Variants in RGS6 observed in about 807,000 individuals in gnomAD.
RGS6 encodes regulator of G protein signaling 6.
In RGS6, 30 loss-of-function variants were observed where a neutral mutation model predicts 78.5. The observed-to-expected ratio is 0.38, with a 90% CI of 0.29 to 0.52. The LOEUF (loss-of-function observed/expected upper bound fraction) is 0.52, where lower values mean the gene tolerates loss of function less well. Among genes scored for constraint, RGS6 ranks in the 20% least tolerant of loss-of-function variants. RGS6 has a pLI of 0.85. For synonymous variants in RGS6, 206 were observed against 206.0 expected, an observed-to-expected ratio of 1.00 and a Z score of 0.00; for missense variants, 495 against 609.7, an observed-to-expected ratio of 0.81 and a Z score of 1.98.
At chr14:71,902,929 G>A in the RGS6 span, among the ~76,000 whole-genome samples, 1 of 152,210 alleles carries the variant, frequency 6.6e-6, no homozygotes, top group African/African-American at 2.4e-5. Flanking sequence ...TGATGTGTCC[G>A]GTTTCTAAAC....
In RGS6 at chr14:72,430,773, G is replaced by A. The variant is rs372128142; in HGVS notation, c.185-23755G>A. ...GCAGGCACTTTCTTTGTGATCTTCA[G>A]GATCATTTGTTTTATCTTGCCTCCC... On this transcript the variant is annotated intron_variant, in intron 3 of 17. Transcript: ENST00000553525. Among the ~76,000 whole-genome samples, 49 of 152,206 alleles carry A rather than the reference G, an allele frequency of 3.2e-4. 4 individuals are homozygous for A. In the South Asian group the frequency reaches 0.01, roughly 32 times the overall value.
intron 3 of RGS6, among the ~76,000 whole-genome samples, chr14:72,438,396 T>G (rs1394748600): frequency 6.6e-6 from 1 of 152,012 alleles, no homozygotes; most frequent in Non-Finnish European, 1.5e-5. Flanking sequence ...GCCAGCTCTC[T>G]CCCCACAAAT....
intron 2 of RGS6, among the ~76,000 whole-genome samples, chr14:72,243,475 C>A (rs1220117284): frequency 6.6e-6 from 1 of 152,182 alleles, no homozygotes. Flanking sequence ...AAAACAAAGG[C>A]TCATTATACA....
intron 17 of RGS6, among the ~76,000 whole-genome samples, chr14:72,557,296 G>A (rs1446794885): frequency 6.6e-6 from 1 of 152,204 alleles, no homozygotes; most frequent in Non-Finnish European, 1.5e-5. Flanking sequence ...GCGTTTCTCC[G>A]ACATCTCAGA....
the RGS6 span, among the ~76,000 whole-genome samples, chr14:71,872,838 G>A: frequency 6.6e-6 from 1 of 152,196 alleles, no homozygotes; most frequent in Admixed American, 6.5e-5. Flanking sequence ...TCCCCATCCT[G>A]TGTCCAAGTG....
chr14:71,935,490 T>G (rs2088950563), intron 1 of RGS6, among the ~76,000 whole-genome samples: 1 of 152,216 alleles, frequency 6.6e-6, no homozygotes. Flanking sequence ...TACTGCTTGT[T>G]TACAGAATGA....
At chr14:72,223,776 A>C (rs1055210604) in intron 2 of RGS6, among the ~76,000 whole-genome samples, 1 of 152,234 alleles carries the variant, frequency 6.6e-6, no homozygotes, top group South Asian at 2.1e-4. Context: ...CCATTCGGTC[A>C]TTGTTACTCT....
At chr14:71,967,744 C>T (rs568815803) in intron 2 of RGS6, among the ~76,000 whole-genome samples, 2 of 152,110 alleles carry the variant, frequency 1.3e-5, no homozygotes, top group Admixed American at 1.3e-4. Context: ...ATTTAAAAAG[C>T]CAAATCTAGA....
rs2087965411 is a variant in RGS6 at position 71,932,433 on chromosome 14, G to C, written c.-529G>C. The stretch of plus-strand genomic sequence containing the variant: ...CAGCTCGCGGGCCGCGGAGCTGAAC[G>C]GCTTCGCGAGTTGGGGCAGCTCCTC... On this transcript the variant is annotated 5_prime_UTR_variant, in exon 1 of 18. Coordinates refer to ENST00000553525, the MANE Select transcript of RGS6 (RefSeq NM_001204424.2). The C allele has an allele frequency of 6.6e-6, 1 of 151,536 alleles. No homozygotes were observed. The highest frequency in any genetic ancestry group is 1.5e-5 in the Non-Finnish European group (1 of 67,818). 9.4% of individuals were successfully genotyped at this position (151,536 alleles called of 1,614,324 possible).
At chr14:72,540,195 G>T in intron 17 of RGS6, 101 bp downstream of exon 17, 3 of 1,507,878 alleles carry the variant, frequency 2.0e-6, no homozygotes, top group Non-Finnish European at 2.7e-6. Context: ...GTTTCCTTTG[G>T]GGTGGGAGGG....
intron 2 of RGS6, among the ~76,000 whole-genome samples, chr14:72,294,368 G>T (rs928164760): frequency 5.3e-5 from 8 of 152,152 alleles, no homozygotes; most frequent in African/African-American, 1.9e-4. Context: ...GATGTAGACT[G>T]GGAAAGTGCC....
chr14:72,065,688 A>G (rs1415602675), intron 2 of RGS6, among the ~76,000 whole-genome samples: 4 of 152,300 alleles, frequency 2.6e-5, no homozygotes, highest in East Asian at 3.9e-4. Context: ...CTTAACCCAG[A>G]GGGTTTTCAG....
intron 3 of RGS6, among the ~76,000 whole-genome samples, chr14:72,363,643 C>A (rs777614394): frequency 6.6e-6 from 1 of 152,170 alleles, no homozygotes; most frequent in South Asian, 2.1e-4. Flanking sequence ...AAAATGGATA[C>A]ACCTTAATAT....
chr14:72,411,249 G>A (rs2093391339), intron 3 of RGS6, among the ~76,000 whole-genome samples: 1 of 152,180 alleles, frequency 6.6e-6, no homozygotes, highest in African/African-American at 2.4e-5. Flanking sequence ...ATTTCATTGA[G>A]TAGTGGTTTG....
At chr14:72,177,248 C>T (rs79024489) in intron 2 of RGS6, among the ~76,000 whole-genome samples, 1,591 of 152,092 alleles carry the variant, frequency 0.01, 26 homozygotes, top group African/African-American at 0.035. Flanking sequence ...GGATAAGATT[C>T]GAATTATAGG....
intron 3 of RGS6, among the ~76,000 whole-genome samples, chr14:72,423,873 G>A (rs1009056749): frequency 3.3e-5 from 5 of 152,108 alleles, no homozygotes; most frequent in Middle Eastern, 3.2e-3. Flanking sequence ...CATACAAATC[G>A]TTAAGTCAGG....
chr14:72,153,243 A>G (rs1463782176), intron 2 of RGS6, among the ~76,000 whole-genome samples: 2 of 152,260 alleles, frequency 1.3e-5, no homozygotes, highest in Middle Eastern at 3.4e-3. Context: ...CCCTTTGGAA[A>G]CCTGGTATTG....
In RGS6 at chr14:72,500,894, G is replaced by A. The variant is rs1179228622; in HGVS notation, c.965+5632G>A. 3.3e-5 allele frequency among the ~76,000 whole-genome samples: 5 copies of A among 152,152 alleles called. No individual in the cohort carries two copies. The East Asian group carries it at 7.7e-4, about 23-fold the overall frequency. On this transcript the variant is annotated intron_variant, in intron 13 of 17. Transcript: ENST00000553525. Reference sequence around the variant, plus strand: ...GTGACCAGGGACTTTTCAAAAGCAGGAATGTCTAGTATGTGCTTTTTTAAA... The same window carrying A: ...GTGACCAGGGACTTTTCAAAAGCAGAAATGTCTAGTATGTGCTTTTTTAAA...
chr14:72,400,884 G>T lies in RGS6; in HGVS notation c.184+48690G>T, dbSNP rs1459687686. 2.0e-5 allele frequency among the ~76,000 whole-genome samples: 3 copies of T among 152,080 alleles called. No individual in the cohort carries two copies. In the East Asian group the frequency reaches 5.8e-4, roughly 29 times the overall value. Reference sequence around the variant, plus strand: ...GTCTTTTCCAGATTCACAGGGAAAGGTTCCCAAGCAGGAGGAGTGAGGAGG... The same window carrying T: ...GTCTTTTCCAGATTCACAGGGAAAGTTTCCCAAGCAGGAGGAGTGAGGAGG... On this transcript the variant is annotated intron_variant, in intron 3 of 17. Transcript: ENST00000553525.
Sources: allele counts gnomAD v4.1 joint callset (sites outside exome capture counted in the v4.1 genomes callset), GRCh38; gene constraint gnomAD v4.1.1; transcripts MANE v1.5; gene names NCBI Gene and HGNC (gene_info 2026-07-23, HGNC 2026-07-21).